The following PEX3 variants were observed in gnomAD, a reference collection of about 807,000 sequenced individuals.
The protein encoded by PEX3 is peroxisomal biogenesis factor 3.
In PEX3, 30 loss-of-function variants were observed where a neutral mutation model predicts 55.8. That is an observed-to-expected ratio of 0.54 (90% CI 0.40 to 0.73). PEX3 has a LOEUF of 0.73. Ranked by LOEUF, PEX3 falls within the 30% of genes least tolerant of loss-of-function variation. PEX3 has a pLI of 0.00. For synonymous variants in PEX3, 135 were observed against 148.4 expected (o/e 0.91, Z 0.66); for missense variants, 351 against 432.8 (o/e 0.81, Z 1.68).
rs985842335 is a variant in PEX3 at position 143,453,258 on chromosome 6, A to C, written c.73+2143A>C. On this transcript the variant is annotated intron_variant, in intron 1 of 11. Coordinates refer to ENST00000367591, the MANE Select transcript of PEX3 (RefSeq NM_003630.3). This position sits in a 1 kb window ranked among gnomAD's most constrained non-coding sequence, Gnocchi z 4.6. ...CATATGCAGTTGTGAAAAATCAGGA[A>C]GAATTTCATGGAAGAAGAGACACAT... 1.3e-5 allele frequency among the ~76,000 whole-genome samples: 2 copies of C among 152,248 alleles called. No homozygotes were observed. Among genetic ancestry groups the C allele is most frequent in the Non-Finnish European group, 2.9e-5 (2 of 68,044 alleles).
rs980514675 is a variant in PEX3, at chr6:143,451,181, A to G, written c.73+66A>G. The G allele has an allele frequency of 1.1e-5, 12 of 1,117,216 alleles. No homozygotes were observed. The Admixed American group carries it at 1.3e-4, about 13-fold the overall frequency. 69.2% of individuals were successfully genotyped at this position (1,117,216 alleles called of 1,614,324 possible). On this transcript the variant is annotated intron_variant, in intron 1 of 11. Coordinates refer to ENST00000367591, the MANE Select transcript of PEX3 (RefSeq NM_003630.3). The surrounding 1 kb of genome is among the most constrained non-coding windows in gnomAD (Gnocchi z 4.1). ...GGGTGGGAGAGGTGACTTCTTCTAA[A>G]ATAAGGACAGGCCGGGCGATCCTAG...
At chr6:143,468,294 C>G (rs1206218168) in intron 4 of PEX3, 129 bp downstream of exon 4, 6 of 646,680 alleles carry the variant, frequency 9.3e-6, no homozygotes, top group Non-Finnish European at 1.7e-5. Context: ...TAATATAGTA[C>G]AGGTAAAGCA....
Position 143,459,641 on chromosome 6 carries a change from A to C in PEX3, c.205+425A>C, listed in dbSNP as rs910671456. 6.6e-6 allele frequency among the ~76,000 whole-genome samples: 1 copy of C among 152,204 alleles called. No homozygotes were observed. ...TTTCTTTGAGGTAACATTTGAGCAG[A>C]AACCAAATGTTACAATGGAGGGAGC... On this transcript the variant is annotated intron_variant, in intron 2 of 11. Transcript: ENST00000367591. The surrounding 1 kb of genome is among the most constrained non-coding windows in gnomAD (Gnocchi z 4.2).
intron 2 of PEX3, among the ~76,000 whole-genome samples, chr6:143,461,335 C>G (rs1269020556): frequency 6.6e-6 from 1 of 152,066 alleles, no homozygotes; most frequent in Non-Finnish European, 1.5e-5. Context: ...GTATGCTCCT[C>G]CAGCAAAAGA....
chr6:143,464,573 C>T lies in PEX3; in HGVS notation c.287+1576C>T, dbSNP rs909910567. ...GTGATTCTTTTTTTCTTAATCGGTA[C>T]ACAGGGAGGAGAATTTCTTAAATTC... is the stretch of plus-strand genomic sequence containing the variant. On this transcript the variant is annotated intron_variant, in intron 3 of 11. Coordinates refer to ENST00000367591, the MANE Select transcript of PEX3 (RefSeq NM_003630.3). The surrounding 1 kb of genome is among the most constrained non-coding windows in gnomAD (Gnocchi z 5.8). Among the ~76,000 whole-genome samples the T allele has an allele frequency of 6.6e-6, 1 of 151,804 alleles. No individual in the cohort carries two copies. Among genetic ancestry groups the T allele is most frequent in the Non-Finnish European group, 1.5e-5 (1 of 67,820 alleles).
At position 143,489,675 on chromosome 6, in the gene PEX3, A is replaced by T. The variant is rs1780362901; in HGVS notation, c.*449A>T. 6.6e-6 allele frequency: 1 copy of T among 152,122 alleles called. No homozygotes were observed. The highest frequency in any genetic ancestry group is 2.4e-5 in the African/African-American group (1 of 41,426). 9.4% of individuals were successfully genotyped at this position (152,122 alleles called of 1,614,324 possible). On this transcript the variant is annotated 3_prime_UTR_variant, in exon 12 of 12. Coordinates refer to ENST00000367591, the MANE Select transcript of PEX3 (RefSeq NM_003630.3). This position sits in a 1 kb window ranked among gnomAD's most constrained non-coding sequence, Gnocchi z 5.5. ...TAATGTTCCCTAGACTGCTGTAAACAGAAGTGAATCAGACTTTTCTCCAGC... is the reference window on the plus strand; with the variant it reads ...TAATGTTCCCTAGACTGCTGTAAACTGAAGTGAATCAGACTTTTCTCCAGC...
intron 8 of PEX3, among the ~76,000 whole-genome samples, 153 bp from the exon 9 acceptor site, chr6:143,474,633 T>G (rs1562655677): frequency 6.6e-6 from 1 of 152,130 alleles, no homozygotes; most frequent in Non-Finnish European, 1.5e-5. Flanking sequence ...CCATTACAGG[T>G]TTTTATTTTG....
At chr6:143,481,907 ACAG>A (rs1479739197) in intron 10 of PEX3, among the ~76,000 whole-genome samples, 2 of 151,998 alleles carry the variant, frequency 1.3e-5, no homozygotes, top group Non-Finnish European at 2.9e-5. Context: ...GTTCAAGGCC[ACAG>A]TGAGCTATGA....
rs1306650100 is a variant in PEX3 at position 143,462,280 on chromosome 6, C to A, written c.206-636C>A. On this transcript the variant is annotated intron_variant, in intron 2 of 11. Coordinates refer to ENST00000367591, the MANE Select transcript of PEX3 (RefSeq NM_003630.3). The surrounding 1 kb of genome is among the most constrained non-coding windows in gnomAD (Gnocchi z 4.1). Reference sequence around the variant, plus strand: ...AACTTTTAGTTTCTAACCCAGTGCACTTTTATTTATGTTATAATAAATGTT... The same window carrying A: ...AACTTTTAGTTTCTAACCCAGTGCAATTTTATTTATGTTATAATAAATGTT... Among the ~76,000 whole-genome samples, 1 of 152,132 alleles carries A rather than the reference C, an allele frequency of 6.6e-6. No homozygotes were observed. Among genetic ancestry groups the A allele is most frequent in the East Asian group, 1.9e-4 (1 of 5,198 alleles).
At position 143,459,236 on chromosome 6, in the gene PEX3, A is replaced by C; in HGVS notation, c.205+20A>C. The C allele has an allele frequency of 6.2e-7, 1 of 1,603,644 alleles. No individual in the cohort carries two copies. The highest frequency in any genetic ancestry group is 8.5e-7 in the Non-Finnish European group (1 of 1,170,888). On this transcript the variant is annotated intron_variant, in intron 2 of 11. Transcript: ENST00000367591. The surrounding 1 kb of genome is among the most constrained non-coding windows in gnomAD (Gnocchi z 4.2). ...TGACAGGTAAGACAGAGAAATATTT[A>C]TACATGTGTAAAGTTGTTTGACGGT... is the stretch of plus-strand genomic sequence containing the variant.
chr6:143,480,611 C>T (rs1780222136), intron 10 of PEX3, among the ~76,000 whole-genome samples: 1 of 152,186 alleles, frequency 6.6e-6, no homozygotes, highest in Non-Finnish European at 1.5e-5. Flanking sequence ...ATAAGTTTTT[C>T]TGTTTCATCT....
Position 143,487,132 on chromosome 6 carries a change from T to C in PEX3, c.1038+1884T>C, listed in dbSNP as rs959847646. On this transcript the variant is annotated intron_variant, in intron 11 of 11. Transcript: ENST00000367591. This position sits in a 1 kb window ranked among gnomAD's most constrained non-coding sequence, Gnocchi z 5.3. Reference sequence around the variant, plus strand: ...GCTTTCAAATAACATAAGCAGGAGATAAATTATTTCAGATTGCTTTCAGAT... The same window carrying C: ...GCTTTCAAATAACATAAGCAGGAGACAAATTATTTCAGATTGCTTTCAGAT... Among the ~76,000 whole-genome samples, 6 of 152,192 alleles carry C rather than the reference T, an allele frequency of 3.9e-5. No homozygotes were observed. The highest frequency in any genetic ancestry group is 8.8e-5 in the Non-Finnish European group (6 of 68,016).
At position 143,485,470 on chromosome 6, in the gene PEX3, T is replaced by C. The variant is rs140704725; in HGVS notation, c.1038+222T>C. 1.6e-3 allele frequency among the ~76,000 whole-genome samples: 238 copies of C among 152,192 alleles called. 1 individual carries two copies. The highest frequency in any genetic ancestry group is 5.6e-3 in the African/African-American group (231 of 41,544). ...CTTTCTCCGTGTTGTAGTCCAACAC[T>C]GTGGGACTACATTTTAGTCCAGGTG... is the stretch of plus-strand genomic sequence containing the variant. On this transcript the variant is annotated intron_variant, in intron 11 of 11. Coordinates refer to ENST00000367591, the MANE Select transcript of PEX3 (RefSeq NM_003630.3). This position sits in a 1 kb window ranked among gnomAD's most constrained non-coding sequence, Gnocchi z 5.6.
At chr6:143,467,188 A>G (rs1174585162) in intron 3 of PEX3, among the ~76,000 whole-genome samples, 1 of 151,982 alleles carries the variant, frequency 6.6e-6, no homozygotes, top group Non-Finnish European at 1.5e-5. Flanking sequence ...GGATGAAACA[A>G]ATTAGTAATT....
chr6:143,461,257 T>C (rs1055724115), intron 2 of PEX3, among the ~76,000 whole-genome samples: 22 of 152,146 alleles, frequency 1.4e-4, no homozygotes, highest in African/African-American at 5.3e-4. Context: ...ACAAGCAGTG[T>C]CATTGGCTGG....
In PEX3 at chr6:143,482,536, G is replaced by C. The variant is rs1043601704; in HGVS notation, c.942-2616G>C. ...CTTAAACCTGACAAATGATAATAAA[G>C]GTAATATGGAGGAATAATGGAATGA... On this transcript the variant is annotated intron_variant, in intron 10 of 11. Transcript: ENST00000367591. The surrounding 1 kb of genome is among the most constrained non-coding windows in gnomAD (Gnocchi z 5.5). Among the ~76,000 whole-genome samples, 1 of 151,630 alleles carries C rather than the reference G, an allele frequency of 6.6e-6. No homozygotes were observed. The highest frequency in any genetic ancestry group is 2.4e-5 in the African/African-American group (1 of 41,300).
In PEX3 at chr6:143,450,863, TC is replaced by T; in HGVS notation, c.-178del. 1 of 771,136 alleles carries T rather than the reference TC, an allele frequency of 1.3e-6. No homozygotes were observed. Among genetic ancestry groups the T allele is most frequent in the Non-Finnish European group, 2.3e-6 (1 of 439,836 alleles). 47.8% of individuals were successfully genotyped at this position (771,136 alleles called of 1,614,324 possible). ...AGAAAGCGTAGCTGCTTTGCTGTAG[TC>T]CACGCCCCCTTGCCGCTCCGGTGAC... On this transcript the variant is annotated 5_prime_UTR_variant, in exon 1 of 12. Coordinates refer to ENST00000367591, the MANE Select transcript of PEX3 (RefSeq NM_003630.3).
chr6:143,460,684 G>T (rs1314430211), intron 2 of PEX3, among the ~76,000 whole-genome samples: 1 of 152,056 alleles, frequency 6.6e-6, no homozygotes, highest in Non-Finnish European at 1.5e-5. Context: ...GACCAACGTG[G>T]AGAAACCCCA....
At chr6:143,457,885 G>A (rs1332030347) in intron 1 of PEX3, among the ~76,000 whole-genome samples, 1 of 152,186 alleles carries the variant, frequency 6.6e-6, no homozygotes, top group Admixed American at 6.5e-5. Flanking sequence ...GATTTGGTTG[G>A]CTACCTGGTT....
Sources: gnomAD v4.1 joint callset for allele counts (sites outside exome capture counted in the v4.1 genomes callset) on GRCh38, gnomAD v4.1.1 for gene constraint, Gnocchi (gnomAD v3.1) non-coding constraint, MANE v1.5 for transcripts, NCBI Gene and HGNC (gene_info 2026-07-23, HGNC 2026-07-21) for gene names.